NCK2: variants seen among roughly 807,000 people sequenced by gnomAD.
NCK2 encodes cytoplasmic protein NCK2.
In NCK2, 16 loss-of-function variants were observed where a neutral mutation model predicts 33.9. The observed-to-expected ratio is 0.47, with a 90% confidence interval of 0.32 to 0.72. NCK2 has a LOEUF of 0.72. Among genes scored for constraint, NCK2 ranks in the 30% least tolerant of loss-of-function variants. The pLI is 0.03. For synonymous variants in NCK2, 273 were observed against 239.9 expected (o/e 1.14, Z -1.27); for missense variants, 418 against 537.3 (o/e 0.78, Z 2.19).
At chr2:105,759,586 T>C (rs913553026) in intron 1 of NCK2, among the ~76,000 whole-genome samples, 1 of 152,214 alleles carries the variant, frequency 6.6e-6, no homozygotes, top group African/African-American at 2.4e-5. Context: ...GTGTCTACTT[T>C]CCCCTGTGAT....
intron 1 of NCK2, among the ~76,000 whole-genome samples, chr2:105,797,634 T>C (rs1691130289): frequency 6.6e-6 from 1 of 152,122 alleles, no homozygotes; most frequent in Admixed American, 6.5e-5. Context: ...GAGATGAGTA[T>C]GGTAACAGTG....
At chr2:105,839,892 C>T (rs1573186132) in intron 2 of NCK2, among the ~76,000 whole-genome samples, 1 of 152,184 alleles carries the variant, frequency 6.6e-6, no homozygotes, top group Admixed American at 6.5e-5. Flanking sequence ...CAGCAAGGGA[C>T]AGGCAGCAGG....
intron 1 of NCK2, among the ~76,000 whole-genome samples, chr2:105,766,487 A>G (rs1689952109): frequency 6.6e-6 from 1 of 151,998 alleles, no homozygotes; most frequent in African/African-American, 2.4e-5. Context: ...GCCCCAGTGA[A>G]GTTTTTAATT....
chr2:105,878,597 G>A (rs1312568436), intron 3 of NCK2, among the ~76,000 whole-genome samples: 1 of 152,192 alleles, frequency 6.6e-6, no homozygotes, highest in Non-Finnish European at 1.5e-5. Context: ...GAATTGTGAG[G>A]AAATAAATGT....
chr2:105,864,067 G>A (rs937017335), intron 3 of NCK2, among the ~76,000 whole-genome samples: 2 of 152,114 alleles, frequency 1.3e-5, no homozygotes, highest in Non-Finnish European at 2.9e-5. Flanking sequence ...CGAGCCAGCC[G>A]GACTGGGGTG....
In NCK2 at chr2:105,856,566, ATCTTT is replaced by A. The variant is rs1677280595; in HGVS notation, c.226+1286_226+1290del. 7 of 152,366 alleles carry A rather than the reference ATCTTT, an allele frequency of 4.6e-5. No homozygotes were observed. The South Asian group carries it at 1.5e-3, about 32-fold the overall frequency. The allele number at this position is 152,366 out of a possible 1,614,324, so 9.4% of individuals were successfully genotyped here. On this transcript the variant is annotated intron_variant, in intron 3 of 4. Coordinates refer to ENST00000233154, the MANE Select transcript of NCK2 (RefSeq NM_003581.5). ...ATGTGGTGGGTGTTGCAAAATGTTC[ATCTTT>A]TCTTTTCTGCCATGTTGAAAAGTCT...
At chr2:105,844,747 G>GATATATATATAT (rs67123338) in intron 2 of NCK2, among the ~76,000 whole-genome samples, 7 of 133,618 alleles carry the variant, frequency 5.2e-5, no homozygotes, top group South Asian at 2.5e-4. Flanking sequence ...GGCGGGGGGG[G>GATATATATATAT]ATATATATAT....
At chr2:105,820,878 G>C (rs1403070588) in intron 2 of NCK2, among the ~76,000 whole-genome samples, 1 of 152,202 alleles carries the variant, frequency 6.6e-6, no homozygotes. Flanking sequence ...CACAACTCAA[G>C]TTTGAGTAAA....
At chr2:105,755,455 G>A (rs1430718693) in intron 1 of NCK2, among the ~76,000 whole-genome samples, 1 of 152,170 alleles carries the variant, frequency 6.6e-6, no homozygotes, top group Non-Finnish European at 1.5e-5. Context: ...CCCAGTGGGT[G>A]CAGCCGATTC....
chr2:105,882,159 G>A, intron 4 of NCK2, 110 bp downstream of exon 4: 1 of 1,233,762 alleles, frequency 8.1e-7, no homozygotes, highest in Non-Finnish European at 1.0e-6. Context: ...GAAAGAGCGG[G>A]AGACGCAGAT....
intron 1 of NCK2, among the ~76,000 whole-genome samples, chr2:105,759,939 T>A (rs1193447102): frequency 6.6e-6 from 1 of 151,816 alleles, no homozygotes; most frequent in Non-Finnish European, 1.5e-5. Context: ...GTATCAAGGG[T>A]CCATGTGATC....
chr2:105,874,087 A>G (rs962244443), intron 3 of NCK2, among the ~76,000 whole-genome samples: 4 of 152,232 alleles, frequency 2.6e-5, no homozygotes, highest in Non-Finnish European at 5.9e-5. Flanking sequence ...GATTAAGACA[A>G]TAGAACCATG....
intron 2 of NCK2, among the ~76,000 whole-genome samples, chr2:105,852,540 G>A (rs1260494276): frequency 6.6e-6 from 1 of 152,152 alleles, no homozygotes. Context: ...ATCCTGCCCA[G>A]CCAGCTCTTT....
intron 2 of NCK2, among the ~76,000 whole-genome samples, chr2:105,832,896 T>C (rs1257443847): frequency 6.6e-6 from 1 of 151,746 alleles, no homozygotes; most frequent in African/African-American, 2.4e-5. Flanking sequence ...TTTTGTTTTG[T>C]TTTTTGGAAT....
intron 3 of NCK2, among the ~76,000 whole-genome samples, chr2:105,858,956 A>G (rs1677402066): frequency 6.6e-6 from 1 of 152,228 alleles, no homozygotes; most frequent in African/African-American, 2.4e-5. Flanking sequence ...ACAGGGAACA[A>G]TGATCAAGAA....
At chr2:105,757,167 G>A (rs1300580714) in intron 1 of NCK2, among the ~76,000 whole-genome samples, 1 of 152,108 alleles carries the variant, frequency 6.6e-6, no homozygotes, top group Non-Finnish European at 1.5e-5. Flanking sequence ...ATTCTTACGA[G>A]GAATAGAGAT....
chr2:105,753,090 T>A (rs1689503868), intron 1 of NCK2, among the ~76,000 whole-genome samples: 1 of 152,216 alleles, frequency 6.6e-6, no homozygotes, highest in Non-Finnish European at 1.5e-5. Context: ...CTAGCCACCA[T>A]CCCTTCATTA....
At chr2:105,852,802 G>C (rs997684974) in intron 2 of NCK2, among the ~76,000 whole-genome samples, 1 of 152,140 alleles carries the variant, frequency 6.6e-6, no homozygotes, top group Admixed American at 6.6e-5. Context: ...TCAGGTTAGT[G>C]AGTTCTACAT....
intron 1 of NCK2, among the ~76,000 whole-genome samples, chr2:105,751,218 A>G (rs773896810): frequency 1.3e-5 from 2 of 152,076 alleles, no homozygotes; most frequent in Non-Finnish European, 2.9e-5. Flanking sequence ...TATATTCCCC[A>G]TCACCGACTC....
Sources: allele counts gnomAD v4.1 joint callset (sites outside exome capture counted in the v4.1 genomes callset), GRCh38; gene constraint gnomAD v4.1.1; transcripts MANE v1.5; gene names NCBI Gene and HGNC (gene_info 2026-07-23, HGNC 2026-07-21).